The following RREB1 variants were observed in gnomAD, a reference collection of about 807,000 sequenced individuals.
RREB1 encodes the protein ras responsive element binding protein 1.
RREB1 carries 27 observed loss-of-function variants against 117.8 expected under a neutral mutation model. The observed-to-expected ratio is 0.23, with a 90% CI of 0.17 to 0.32. The LOEUF (loss-of-function observed/expected upper bound fraction) is 0.32. Ranked by LOEUF, RREB1 falls within the 10% of genes least tolerant of loss-of-function variation. RREB1 has a pLI of 1.00. For synonymous variants in RREB1, 1,298 were observed against 1,026.7 expected, an observed-to-expected ratio of 1.26 and a Z score of -5.05; for missense variants, 2,577 against 2,378.2, an observed-to-expected ratio of 1.08 and a Z score of -1.74.
chr6:7,204,266 A>G (rs1008897864), intron 6 of RREB1, among the ~76,000 whole-genome samples: 2 of 152,104 alleles, frequency 1.3e-5, no homozygotes, highest in Non-Finnish European at 2.9e-5. Context: ...AGGTGGGGCC[A>G]CACCAGGAAT....
chr6:7,136,177 A>C (rs1287285140), intron 1 of RREB1, among the ~76,000 whole-genome samples: 1 of 152,228 alleles, frequency 6.6e-6, no homozygotes, highest in Non-Finnish European at 1.5e-5. Context: ...ATTCTAAAAC[A>C]ATTTTACAAT....
chr6:7,108,470 G>T (rs1324883976), intron 1 of RREB1, among the ~76,000 whole-genome samples: 1 of 151,928 alleles, frequency 6.6e-6, no homozygotes, highest in Non-Finnish European at 1.5e-5. Context: ...CAGGAATCCG[G>T]CCCGACCCGC....
intron 1 of RREB1, among the ~76,000 whole-genome samples, chr6:7,109,068 G>A (rs1426216754): frequency 1.3e-5 from 2 of 151,726 alleles, no homozygotes; most frequent in African/African-American, 4.8e-5. Context: ...ACAGGAAGGA[G>A]GCCGGGAGCA....
At chr6:7,112,830 CTT>C (rs1232111938) in intron 1 of RREB1, among the ~76,000 whole-genome samples, 1 of 152,232 alleles carries the variant, frequency 6.6e-6, no homozygotes, top group African/African-American at 2.4e-5. Context: ...CCCAATTTCT[CTT>C]GTCACGTTCT....
At chr6:7,171,874 C>T (rs1421200721) in intron 1 of RREB1, among the ~76,000 whole-genome samples, 10 of 151,264 alleles carry the variant, frequency 6.6e-5, no homozygotes, top group East Asian at 1.9e-4. Context: ...TGGTGTGCGA[C>T]GGGGCCAGAA....
chr6:7,163,861 A>G (rs1272288479), intron 1 of RREB1, among the ~76,000 whole-genome samples: 1 of 152,240 alleles, frequency 6.6e-6, no homozygotes, highest in African/African-American at 2.4e-5. Flanking sequence ...GATAGATGCC[A>G]TTGTTTCGCA....
chr6:7,248,585 A>G lies in RREB1; in HGVS notation c.4846A>G (p.Ile1616Val). The part of the protein sequence containing the change: ...LKHSLVRHQR[I>V]HQKARHAKHH... ...GCACAGCCTGGTTCGCCACCAGCGG[A>G]TCCACCAGAAAGCCAGGCATGCCAA... The change falls in exon 13 of 13, where the codon ATC becomes GTC. Residue 1616 changes from isoleucine (I) to valine (V), a missense_variant. Ile to Val is a conservative substitution (Grantham distance 29). Coordinates refer to ENST00000379938, the MANE Select transcript of RREB1 (RefSeq NM_001003699.4). 6.2e-7 allele frequency: 1 copy of G among 1,614,254 alleles called. No homozygotes were observed. Among genetic ancestry groups the G allele is most frequent in the Non-Finnish European group, 8.5e-7 (1 of 1,180,048 alleles).
intron 1 of RREB1, among the ~76,000 whole-genome samples, chr6:7,160,587 G>A (rs1484774173): frequency 2.0e-5 from 3 of 152,114 alleles, no homozygotes. Context: ...ACCGCTCACT[G>A]CAGCCTTGAC....
rs762111619 is a variant in RREB1, at chr6:7,230,420, C to T, written c.2321C>T (p.Thr774Met). Reference sequence around the variant, plus strand: ...CGTGCCCTGCGCATCCACATGCGCACGCACTGCGGCCGCGGCCTGGGCGGG... The same window carrying T: ...CGTGCCCTGCGCATCCACATGCGCATGCACTGCGGCCGCGGCCTGGGCGGG... The part of the protein sequence containing the change: ...HYRALRIHMR[T>M]HCGRGLGGGH... The change falls in exon 10 of 13, where the codon ACG becomes ATG. Residue 774 changes from threonine (T) to methionine (M), a missense_variant. Physicochemically the swap from Thr to Met is moderately conservative, Grantham distance 81 (BLOSUM62 -1). Coordinates refer to ENST00000379938, the MANE Select transcript of RREB1 (RefSeq NM_001003699.4). 11 of 1,590,818 alleles carry T rather than the reference C, an allele frequency of 6.9e-6. No individual in the cohort carries two copies. Among genetic ancestry groups the T allele is most frequent in the Non-Finnish European group, 9.4e-6 (11 of 1,174,420 alleles).
intron 8 of RREB1, chr6:7,212,383 A>G (rs1766660812): frequency 6.6e-6 from 1 of 152,252 alleles, no homozygotes; most frequent in African/African-American, 2.4e-5. Flanking sequence ...AGGACTTCCC[A>G]CAAGAATTCA....
intron 6 of RREB1, among the ~76,000 whole-genome samples, chr6:7,201,033 C>T (rs992186110): frequency 6.6e-6 from 1 of 152,206 alleles, no homozygotes; most frequent in African/African-American, 2.4e-5. Flanking sequence ...TGCTTGCCCA[C>T]ACTTGAACAG....
chr6:7,245,316 A>G (rs973190411), intron 11 of RREB1, among the ~76,000 whole-genome samples: 6 of 151,930 alleles, frequency 3.9e-5, no homozygotes, highest in African/African-American at 1.5e-4. Context: ...AATTGCTTGA[A>G]CCCGGGAGGT....
At position 7,188,226 on chromosome 6, in the gene RREB1, C is replaced by T. The variant is rs1006779184; in HGVS notation, c.261+703C>T. Among the ~76,000 whole-genome samples, 20 of 149,414 alleles carry T rather than the reference C, an allele frequency of 1.3e-4. 1 individual carries two copies. The highest frequency in any genetic ancestry group is 9.9e-4 in the Admixed American group (15 of 15,126). ...TAAAATAGAATCGCTCCCCCCCACACGTGTGTGTGTGTGTGTGTGTGTGTG... is the reference window on the plus strand; with the variant it reads ...TAAAATAGAATCGCTCCCCCCCACATGTGTGTGTGTGTGTGTGTGTGTGTG... On this transcript the variant is annotated intron_variant, in intron 5 of 12. Transcript: ENST00000379938.
chr6:7,115,583 C>T (rs928445247), intron 1 of RREB1, among the ~76,000 whole-genome samples: 2 of 152,188 alleles, frequency 1.3e-5, no homozygotes, highest in Non-Finnish European at 2.9e-5. Context: ...GTCAGTCGCA[C>T]TGATGGTGCT....
Position 7,208,907 on chromosome 6 carries a change from G to C in RREB1, c.426-1897G>C, listed in dbSNP as rs1384978976. The stretch of plus-strand genomic sequence containing the variant: ...TGGTCTTGGGAGATAGGCTGGGTTT[G>C]GGGGAAGAGCATGAGCTCAGAGTTG... On this transcript the variant is annotated intron_variant, in intron 6 of 12. Coordinates refer to ENST00000379938, the MANE Select transcript of RREB1 (RefSeq NM_001003699.4). 3.3e-5 allele frequency among the ~76,000 whole-genome samples: 5 copies of C among 152,290 alleles called. No homozygotes were observed. In the South Asian group the frequency reaches 6.2e-4, roughly 19 times the overall value.
At chr6:7,152,587 T>G (rs533740894) in intron 1 of RREB1, among the ~76,000 whole-genome samples, 1 of 152,204 alleles carries the variant, frequency 6.6e-6, no homozygotes, top group Non-Finnish European at 1.5e-5. Context: ...ACCTTTTTTT[T>G]CCTTTCCTTT....
intron 8 of RREB1, 42 bp downstream of exon 8, chr6:7,211,751 T>C: frequency 6.2e-7 from 1 of 1,606,820 alleles, no homozygotes; most frequent in Non-Finnish European, 8.5e-7. Context: ...TTCCTGTTTC[T>C]CCTGGCATGT....
chr6:7,184,426 A>C (rs982422177), intron 4 of RREB1: 2 of 148,654 alleles, frequency 1.3e-5, no homozygotes, highest in African/African-American at 2.5e-5. Context: ...TTTTAATTAT[A>C]AAAAAAACTT....
intron 9 of RREB1, among the ~76,000 whole-genome samples, chr6:7,228,531 TC>T (rs1489776375): frequency 7.4e-5 from 10 of 135,686 alleles, no homozygotes; most frequent in Non-Finnish European, 1.4e-4. Flanking sequence ...TAAGGCAGAG[TC>T]TTGTTCTGTT....
Sources: gnomAD v4.1 joint callset for allele counts (sites outside exome capture counted in the v4.1 genomes callset) on GRCh38, gnomAD v4.1.1 for gene constraint, MANE v1.5 for transcripts, NCBI Gene and HGNC (gene_info 2026-07-23, HGNC 2026-07-21) for gene names.